Variants in VPS52 observed in about 807,000 individuals in gnomAD.
VPS52 encodes vacuolar protein sorting-associated protein 52 homolog.
Under a neutral mutation model 98.7 loss-of-function variants are expected in VPS52, and 56 were observed. That is an observed-to-expected ratio of 0.57 (90% CI 0.46 to 0.71). VPS52 has a LOEUF of 0.71. Ranked by LOEUF, VPS52 falls within the 30% of genes least tolerant of loss-of-function variation. The pLI is 0.00. For missense variants in VPS52, 742 were observed against 925.9 expected, an observed-to-expected ratio of 0.80 and a Z score of 2.58; for synonymous variants, 348 against 346.4, an observed-to-expected ratio of 1.00 and a Z score of -0.05.
rs993123632 is a variant in VPS52, at chr6:33,266,958, TCTGA to T, written c.1125+226_1125+229del. ...TCCTGCATCCACCTCAACACCTGCC[TCTGA>T]CTGTCATTCCCCTCATCCAGTCTCT... is the stretch of plus-strand genomic sequence containing the variant. On this transcript the variant is annotated intron_variant, in intron 11 of 19. Transcript: ENST00000445902. Among the ~76,000 whole-genome samples, 5 of 152,266 alleles carry T rather than the reference TCTGA, an allele frequency of 3.3e-5. No individual in the cohort carries two copies. The South Asian group carries it at 8.3e-4, about 25-fold the overall frequency.
intron 17 of VPS52, among the ~76,000 whole-genome samples, chr6:33,256,276 A>C (rs1293988197): frequency 6.6e-6 from 1 of 151,758 alleles, no homozygotes; most frequent in Non-Finnish European, 1.5e-5. Flanking sequence ...ACACTACAAA[A>C]AATTAAATTT....
intron 17 of VPS52, among the ~76,000 whole-genome samples, chr6:33,258,909 C>T (rs1411376600): frequency 2.0e-5 from 3 of 151,150 alleles, no homozygotes; most frequent in Non-Finnish European, 4.4e-5. Context: ...AGCCATTTTA[C>T]AGGAAAAAAA....
intron 1 of VPS52, chr6:33,271,051 C>T: frequency 4.3e-6 from 1 of 232,346 alleles, no homozygotes; most frequent in Non-Finnish European, 8.5e-6. Context: ...AATTTAAGAC[C>T]CTCAGACTCC....
In VPS52 at chr6:33,266,675, G is replaced by T. The variant is rs1374187767; in HGVS notation, c.1163C>A (p.Ala388Asp). 1 of 1,612,674 alleles carries T rather than the reference G, an allele frequency of 6.2e-7. No homozygotes were observed. Residue 388 changes from alanine (A) to aspartate (D), a missense_variant, in exon 12 of 20, where the codon GCC (alanine) becomes GAC (aspartate). This residue lies in a region of VPS52 where 590 missense variants were observed against 793.3 expected (regional missense o/e 0.74). Coordinates refer to ENST00000445902, the MANE Select transcript of VPS52 (RefSeq NM_022553.6). The part of the protein sequence containing the change: ...FEALFRSQHY[A>D]LLDNSCREYL... ...TTCGCGGCAGGAATTGTCTAGGAGG[G>T]CGTAGTGCTGGCTGCGGAAGAGGGC... is the stretch of plus-strand genomic sequence containing the variant.
Position 33,268,313 on chromosome 6 carries a change from A to C in VPS52, c.700-105T>G, listed in dbSNP as rs901205609. Reference sequence around the variant, plus strand: ...GGTAAACATAGGCAGAAGGGTGGTGAATATCTCTTTGGTATTTCTCAAGAT... The same window carrying C: ...GGTAAACATAGGCAGAAGGGTGGTGCATATCTCTTTGGTATTTCTCAAGAT... On this transcript the variant is annotated intron_variant, in intron 7 of 19. Coordinates refer to ENST00000445902, the MANE Select transcript of VPS52 (RefSeq NM_022553.6). This position sits in a 1 kb window ranked among gnomAD's most constrained non-coding sequence, Gnocchi z 4.0. 3.7e-6 allele frequency: 5 copies of C among 1,363,100 alleles called. No individual in the cohort carries two copies. The African/African-American group carries it at 7.2e-5, about 20-fold the overall frequency. The allele number at this position is 1,363,100 out of a possible 1,614,324, so 84.4% of individuals were successfully genotyped here.
Position 33,268,070 on chromosome 6 carries a change from C to G in VPS52, c.800+38G>C. ...ATGCCCACACTAGGCCGCTCAAAAA[C>G]TCAAAGGCCATCCCATGCACTTCCT... is the stretch of plus-strand genomic sequence containing the variant. On this transcript the variant is annotated intron_variant, in intron 8 of 19. Coordinates refer to ENST00000445902, the MANE Select transcript of VPS52 (RefSeq NM_022553.6). The surrounding 1 kb of genome is among the most constrained non-coding windows in gnomAD (Gnocchi z 4.0). The G allele has an allele frequency of 1.2e-6, 2 of 1,613,024 alleles. No individual in the cohort carries two copies. The highest frequency in any genetic ancestry group is 1.7e-6 in the Non-Finnish European group (2 of 1,179,982).
intron 17 of VPS52, among the ~76,000 whole-genome samples, chr6:33,261,470 A>G (rs1307125557): frequency 6.6e-6 from 1 of 152,080 alleles, no homozygotes; most frequent in Non-Finnish European, 1.5e-5. Context: ...CCGTCTGAAA[A>G]AAAAAAAAAG....
At chr6:33,264,934 G>A (rs771573709) in intron 12 of VPS52, 34 bp from the exon 13 acceptor site, 46 of 1,559,058 alleles carry the variant, frequency 3.0e-5, no homozygotes, top group Non-Finnish European at 4.1e-5. Context: ...AGGATTAAAA[G>A]AGAATGTCAG....
In VPS52 at chr6:33,269,030, G is replaced by C; in HGVS notation, c.532C>G (p.Pro178Ala). The C allele has an allele frequency of 1.2e-6, 2 of 1,612,328 alleles. No individual in the cohort carries two copies. Among genetic ancestry groups the C allele is most frequent in the South Asian group, 1.1e-5 (1 of 91,026 alleles). The change falls in exon 6 of 20, where the codon CCT becomes GCT. Residue 178 changes from proline to alanine, a missense_variant. Transcript: ENST00000445902. Reference protein sequence around the residue: ...LGELVDGLVVPSALVTAILEA... With the variant: ...LGELVDGLVVASALVTAILEA... ...GTAACTCACGTGACCAGAGCAGAAG[G>C]CACCACCAGACCATCAACAAGCTCC...
chr6:33,267,680 A>G lies in VPS52; in HGVS notation c.991+2T>C, dbSNP rs1174707319. 1 of 1,613,040 alleles carries G rather than the reference A, an allele frequency of 6.2e-7. No homozygotes were observed. Among genetic ancestry groups the G allele is most frequent in the Non-Finnish European group, 8.5e-7 (1 of 1,180,026 alleles). On this transcript the variant is annotated splice_donor_variant, in intron 10 of 19. Transcript: ENST00000445902. LOFTEE classifies it high-confidence loss of function. This position sits in a 1 kb window ranked among gnomAD's most constrained non-coding sequence, Gnocchi z 4.2. ...CATGAGGGTTCCCCAGTACTAGGAT[A>G]TCTTTCTTTGCTGTATCTTCCACAC... is the stretch of plus-strand genomic sequence containing the variant.
intron 17 of VPS52, among the ~76,000 whole-genome samples, chr6:33,253,444 C>T (rs113520399): frequency 0.039 from 5,741 of 146,434 alleles, 190 homozygotes; most frequent in African/African-American, 0.09. Flanking sequence ...GTGCCAAGAT[C>T]GGGCCATTGC....
chr6:33,265,824 G>A (rs1056160268), intron 12 of VPS52, among the ~76,000 whole-genome samples: 1 of 151,084 alleles, frequency 6.6e-6, no homozygotes, highest in Non-Finnish European at 1.5e-5. Flanking sequence ...GGGACCCTAC[G>A]CACTGAGGAT....
chr6:33,258,634 G>A lies in VPS52; in HGVS notation c.1794+4850C>T, dbSNP rs147404365. On this transcript the variant is annotated intron_variant, in intron 17 of 19. Coordinates refer to ENST00000445902, the MANE Select transcript of VPS52 (RefSeq NM_022553.6). Reference sequence around the variant, plus strand: ...GAGTCACGCTCTGTAACTGAGGCTGGAGTGCAGTGGCATAATCTTGGCTCA... The same window carrying A: ...GAGTCACGCTCTGTAACTGAGGCTGAAGTGCAGTGGCATAATCTTGGCTCA... 1.5e-3 allele frequency among the ~76,000 whole-genome samples: 225 copies of A among 152,174 alleles called. 1 individual carries two copies. The highest frequency in any genetic ancestry group is 5.0e-3 in the African/African-American group (209 of 41,510).
Position 33,267,752 on chromosome 6 carries a change from A to G in VPS52, c.934-13T>C. On this transcript the variant is annotated splice_polypyrimidine_tract_variant and intron_variant, in intron 9 of 19. Coordinates refer to ENST00000445902, the MANE Select transcript of VPS52 (RefSeq NM_022553.6). The surrounding 1 kb of genome is among the most constrained non-coding windows in gnomAD (Gnocchi z 4.2). ...CGACTTCCTCATACTAAGGAAAGAG[A>G]AAAGAGAACTGATAACCGTCTCTTC... 1 of 1,612,968 alleles carries G rather than the reference A, an allele frequency of 6.2e-7. No homozygotes were observed. Among genetic ancestry groups the G allele is most frequent in the Non-Finnish European group, 8.5e-7 (1 of 1,179,998 alleles).
chr6:33,271,723 C>T lies in VPS52; in HGVS notation c.-48G>A, dbSNP rs1467521647. 1.9e-6 allele frequency: 3 copies of T among 1,563,760 alleles called. No individual in the cohort carries two copies. The East Asian group carries it at 7.0e-5, about 37-fold the overall frequency. On this transcript the variant is annotated 5_prime_UTR_variant, in exon 1 of 20. Coordinates refer to ENST00000445902, the MANE Select transcript of VPS52 (RefSeq NM_022553.6). The stretch of plus-strand genomic sequence containing the variant: ...AACTGTCAGTCCCGGCGAGTCCGTT[C>T]CCCGGAGTGGAGCTACAAGTCCCAA...
Position 33,269,908 on chromosome 6 carries a change from C to G in VPS52, c.229-89G>C, listed in dbSNP as rs1042387661. On this transcript the variant is annotated intron_variant, in intron 3 of 19. Transcript: ENST00000445902. ...CAGTGAAGGACTAAAGGGTCAGATA[C>G]CAGGCTGATACAACAAAAGCAAGAG... 1.9e-6 allele frequency: 3 copies of G among 1,599,602 alleles called. No individual in the cohort carries two copies. The African/African-American group carries it at 4.0e-5, about 21-fold the overall frequency.
At chr6:33,265,613 C>T (rs1764214843) in intron 12 of VPS52, among the ~76,000 whole-genome samples, 1 of 152,152 alleles carries the variant, frequency 6.6e-6, no homozygotes, top group South Asian at 2.1e-4. Context: ...CTCAAGCAAC[C>T]TTCCTGCCTT....
At chr6:33,257,216 G>A (rs1318867886) in intron 17 of VPS52, among the ~76,000 whole-genome samples, 2 of 151,848 alleles carry the variant, frequency 1.3e-5, no homozygotes, top group Non-Finnish European at 2.9e-5. Context: ...TTAATTTTTT[G>A]TAGAGATGAG....
rs1033659033 is a variant in VPS52 at position 33,250,665 on chromosome 6, G to A, written c.*176C>T. 13 of 798,166 alleles carry A rather than the reference G, an allele frequency of 1.6e-5. No individual in the cohort carries two copies. The highest frequency in any genetic ancestry group is 1.4e-4 in the African/African-American group (8 of 57,366). 49.4% of individuals were successfully genotyped at this position (798,166 alleles called of 1,614,324 possible). A position where few individuals can be genotyped will look rare whatever the true frequency, so the allele number is the denominator to read the frequency against. ...GACACTGGGATATTCAGAAGGCCAA[G>A]GGGATCCAGCTTATCCTGTTGGGCA... On this transcript the variant is annotated 3_prime_UTR_variant, in exon 20 of 20. Coordinates refer to ENST00000445902, the MANE Select transcript of VPS52 (RefSeq NM_022553.6).
Sources: allele counts gnomAD v4.1 joint callset (sites outside exome capture counted in the v4.1 genomes callset), GRCh38; gene constraint gnomAD v4.1.1; regional missense constraint gnomAD v4.1.1; non-coding constraint Gnocchi (gnomAD v3.1); transcripts MANE v1.5; gene names NCBI Gene and HGNC (gene_info 2026-07-23, HGNC 2026-07-21).